The following MGAT4C variants were observed in gnomAD, a reference collection of about 807,000 sequenced individuals.
The protein encoded by MGAT4C is alpha-1,3-mannosyl-glycoprotein 4-beta-N-acetylglucosaminyltransferase C.
MGAT4C carries 19 observed loss-of-function variants against 40.1 expected under a neutral mutation model. That is an observed-to-expected ratio of 0.47 (90% CI 0.33 to 0.70). The LOEUF (loss-of-function observed/expected upper bound fraction) is 0.70, where lower values mean the gene tolerates loss of function less well. MGAT4C is among the 30% of genes least tolerant of loss of function. The pLI is 0.02. For synonymous variants in MGAT4C, 181 were observed against 187.1 expected (o/e 0.97, Z 0.27); for missense variants, 491 against 563.2 (o/e 0.87, Z 1.30).
In MGAT4C at chr12:86,440,715, C is replaced by A. The variant is rs186252688; in HGVS notation, c.-228-5450G>T. On this transcript the variant is annotated intron_variant, in intron 2 of 7. Transcript: ENST00000548651. ...TGTTTGCAGATGATTTGATCATATACCTAGGAAACCCTAAAGAGTCCTTCA... is the reference window on the plus strand; with the variant it reads ...TGTTTGCAGATGATTTGATCATATAACTAGGAAACCCTAAAGAGTCCTTCA... 3.8e-3 allele frequency among the ~76,000 whole-genome samples: 582 copies of A among 152,024 alleles called. 17 individuals are homozygous for A. The highest frequency in any genetic ancestry group is 0.036 in the Admixed American group (546 of 15,238).
chr12:85,955,940 T>A lies in MGAT4C; in HGVS notation c.*23349A>T, dbSNP rs1461134762. 6 of 152,192 alleles carry A rather than the reference T, an allele frequency of 3.9e-5. No individual in the cohort carries two copies. Among genetic ancestry groups the A allele is most frequent in the Non-Finnish European group, 8.8e-5 (6 of 68,012 alleles). The allele number at this position is 152,192 out of a possible 1,614,324, so 9.4% of individuals were successfully genotyped here. On this transcript the variant is annotated 3_prime_UTR_variant, in exon 5 of 5. Coordinates refer to ENST00000611864, the MANE Select transcript of MGAT4C (RefSeq NM_001351288.2). Reference sequence around the variant, plus strand: ...CAGTAAATATCAACTACAAGGTTAGTGCAATTACACTTGTTAGGGCACAGA... The same window carrying A: ...CAGTAAATATCAACTACAAGGTTAGAGCAATTACACTTGTTAGGGCACAGA...
intron 1 of MGAT4C, among the ~76,000 whole-genome samples, chr12:86,239,463 A>C (rs1292342361): frequency 6.6e-6 from 1 of 152,084 alleles, no homozygotes; most frequent in African/African-American, 2.4e-5. Context: ...TCAAAGAAGC[A>C]TGCTTTACAA....
intron 1 of MGAT4C, among the ~76,000 whole-genome samples, chr12:86,799,755 A>C (rs1952193254): frequency 6.6e-6 from 1 of 151,560 alleles, no homozygotes; most frequent in East Asian, 1.9e-4. Context: ...GGGTAGTGTT[A>C]ATCTTTGTAG....
At chr12:86,128,351 T>C (rs1233638487) in intron 1 of MGAT4C, among the ~76,000 whole-genome samples, 2 of 152,132 alleles carry the variant, frequency 1.3e-5, no homozygotes, top group South Asian at 2.1e-4. Context: ...ATTTGAATCA[T>C]GGGGGCAGTT....
intron 2 of MGAT4C, among the ~76,000 whole-genome samples, chr12:86,716,051 GA>G (rs1277933101): frequency 6.6e-6 from 1 of 152,068 alleles, no homozygotes; most frequent in Non-Finnish European, 1.5e-5. Flanking sequence ...GTTTCAGGCA[GA>G]TAACTATATA....
At chr12:86,780,023 T>C (rs922435118) in intron 1 of MGAT4C, among the ~76,000 whole-genome samples, 3 of 152,032 alleles carry the variant, frequency 2.0e-5, no homozygotes, top group Admixed American at 1.3e-4. Context: ...ACAGCTTTCC[T>C]ATAAAATGAA....
chr12:86,765,006 G>C (rs1381974606), intron 1 of MGAT4C, among the ~76,000 whole-genome samples: 2 of 152,208 alleles, frequency 1.3e-5, no homozygotes, highest in African/African-American at 4.8e-5. Context: ...ATGGAACAAA[G>C]CTGGACGGAG....
intron 2 of MGAT4C, among the ~76,000 whole-genome samples, chr12:86,536,724 T>G (rs1047120673): frequency 1.3e-5 from 2 of 152,222 alleles, no homozygotes; most frequent in Admixed American, 1.3e-4. Flanking sequence ...ACAGACAAAT[T>G]TGTAGAAAAT....
At chr12:86,489,479 G>A (rs569414843) in intron 2 of MGAT4C, among the ~76,000 whole-genome samples, 140 of 152,312 alleles carry the variant, frequency 9.2e-4, no homozygotes, top group African/African-American at 3.3e-3. Context: ...GAGGGCAGCT[G>A]CCCCAAACTA....
chr12:86,021,095 CTGGAGAGGATG>C (rs1487440079), intron 2 of MGAT4C, among the ~76,000 whole-genome samples: 1 of 152,120 alleles, frequency 6.6e-6, no homozygotes, highest in East Asian at 1.9e-4. Context: ...ACAACAGGTG[CTGGAGAGGATG>C]TGGAGAAACA....
chr12:86,510,903 C>T (rs1423516359), intron 2 of MGAT4C, among the ~76,000 whole-genome samples: 3 of 151,588 alleles, frequency 2.0e-5, no homozygotes, highest in African/African-American at 7.3e-5. Context: ...GAGACTTTAA[C>T]ACCCCACTGT....
At chr12:86,593,725 T>A (rs1292042453) in intron 2 of MGAT4C, among the ~76,000 whole-genome samples, 1 of 152,322 alleles carries the variant, frequency 6.6e-6, no homozygotes, top group Non-Finnish European at 1.5e-5. Flanking sequence ...ATGCACTTTT[T>A]ATTATTTCTA....
chr12:86,530,197 T>C (rs1284989852), intron 2 of MGAT4C, among the ~76,000 whole-genome samples: 1 of 152,032 alleles, frequency 6.6e-6, no homozygotes, highest in African/African-American at 2.4e-5. Flanking sequence ...TTGTTCCTTA[T>C]AACTAGAGTC....
chr12:86,811,781 A>G (rs1254793108), intron 1 of MGAT4C, among the ~76,000 whole-genome samples: 1 of 151,442 alleles, frequency 6.6e-6, no homozygotes, highest in African/African-American at 2.4e-5. Context: ...GTGTTCATCA[A>G]TGTTCTCTAT....
chr12:86,024,251 T>G (rs1271068483), intron 2 of MGAT4C, among the ~76,000 whole-genome samples: 1 of 151,816 alleles, frequency 6.6e-6, no homozygotes. Flanking sequence ...AGAATGATGG[T>G]TCTACTTTTG....
intron 1 of MGAT4C, among the ~76,000 whole-genome samples, chr12:86,110,226 T>A (rs189402845): frequency 2.8e-5 from 4 of 143,024 alleles, no homozygotes; most frequent in African/African-American, 1.0e-4. Flanking sequence ...ATATGCATTA[T>A]GATTCTACCT....
At chr12:86,481,578 G>T (rs1011644422) in intron 2 of MGAT4C, among the ~76,000 whole-genome samples, 12 of 151,712 alleles carry the variant, frequency 7.9e-5, no homozygotes, top group African/African-American at 2.9e-4. Context: ...TATACATAAA[G>T]AATTAGAAGC....
At chr12:86,665,403 G>C (rs753032646) in intron 2 of MGAT4C, among the ~76,000 whole-genome samples, 35 of 151,646 alleles carry the variant, frequency 2.3e-4, no homozygotes, top group Non-Finnish European at 4.4e-4. Flanking sequence ...TTGAGACGGA[G>C]CCTTGCTCTG....
intron 1 of MGAT4C, among the ~76,000 whole-genome samples, chr12:86,813,199 C>A (rs1010664925): frequency 1.1e-4 from 16 of 151,904 alleles, no homozygotes; most frequent in Admixed American, 4.6e-4. Context: ...CATATCCAGA[C>A]TGAAAAAGAT....
Sources: allele counts gnomAD v4.1 joint callset (sites outside exome capture counted in the v4.1 genomes callset), GRCh38; gene constraint gnomAD v4.1.1; transcripts MANE v1.5; gene names NCBI Gene and HGNC (gene_info 2026-07-23, HGNC 2026-07-21).